Variants in GAREM1 observed in about 807,000 individuals in gnomAD.
GAREM1 encodes the protein GRB2-associated and regulator of MAPK protein 1.
Under a neutral mutation model 71.3 loss-of-function variants are expected in GAREM1, and 26 were observed. The observed-to-expected ratio is 0.36, with a 90% CI of 0.27 to 0.51. GAREM1 has a LOEUF of 0.51. GAREM1 is among the 20% of genes least tolerant of loss of function. GAREM1 has a pLI of 0.95. For synonymous variants in GAREM1, 440 were observed against 433.2 expected (o/e 1.02, Z -0.20); for missense variants, 1,026 against 1,103.1 (o/e 0.93, Z 0.99).
chr18:32,451,367 C>A (rs888736147), intron 1 of GAREM1, among the ~76,000 whole-genome samples: 1 of 151,790 alleles, frequency 6.6e-6, no homozygotes, highest in African/African-American at 2.4e-5. Flanking sequence ...AACAATAAAC[C>A]CTTGCTGTTT....
At chr18:32,333,817 T>C (rs747331268) in intron 2 of GAREM1, among the ~76,000 whole-genome samples, 5 of 152,176 alleles carry the variant, frequency 3.3e-5, no homozygotes, top group Non-Finnish European at 5.9e-5. Flanking sequence ...AAATAACCTC[T>C]AGGTGCTTAT....
chr18:32,405,812 T>A (rs911749142), intron 1 of GAREM1, among the ~76,000 whole-genome samples: 2 of 152,156 alleles, frequency 1.3e-5, no homozygotes, highest in Admixed American at 1.3e-4. Context: ...GCAGGCTGGG[T>A]TCCTCAATTC....
chr18:32,336,809 T>A (rs1165371818), intron 2 of GAREM1, among the ~76,000 whole-genome samples: 5 of 152,360 alleles, frequency 3.3e-5, no homozygotes, highest in African/African-American at 1.2e-4. Flanking sequence ...TTAGACCAGA[T>A]GGGCTCCACT....
chr18:32,312,536 C>G (rs1375808756), intron 2 of GAREM1, among the ~76,000 whole-genome samples: 1 of 151,750 alleles, frequency 6.6e-6, no homozygotes, highest in Non-Finnish European at 1.5e-5. Flanking sequence ...TTGAAGGCAG[C>G]CTGGGAAGAG....
Position 32,297,636 on chromosome 18 carries a change from CCCAGAATAAAACTTAATG to C in GAREM1, c.394-9451_394-9434del, listed in dbSNP as rs555950251. Among the ~76,000 whole-genome samples the C allele has an allele frequency of 3.2e-4, 48 of 152,172 alleles. No individual in the cohort carries two copies. The South Asian group carries it at 8.3e-3, about 26-fold the overall frequency. On this transcript the variant is annotated intron_variant, in intron 3 of 5. Transcript: ENST00000269209. ...TTCAAATTTTTATTGACTATGTTAT[CCCAGAATAAAACTTAATG>C]CCAGAATAGAGCCTGAAATATCATT...
intron 3 of GAREM1, among the ~76,000 whole-genome samples, chr18:32,291,471 T>C (rs2047085802): frequency 6.6e-6 from 1 of 152,086 alleles, no homozygotes; most frequent in South Asian, 2.1e-4. Flanking sequence ...ACTAATGTGC[T>C]ACATATTTTA....
chr18:32,405,079 CTT>C (rs2144676370), intron 1 of GAREM1, among the ~76,000 whole-genome samples: 1 of 152,272 alleles, frequency 6.6e-6, no homozygotes, highest in Non-Finnish European at 1.5e-5. Flanking sequence ...TATTCTTCCT[CTT>C]TTAATAAATA....
intron 1 of GAREM1, among the ~76,000 whole-genome samples, chr18:32,453,625 T>C (rs1231068398): frequency 3.3e-5 from 5 of 152,148 alleles, no homozygotes; most frequent in African/African-American, 4.8e-5. Context: ...CATAAGTACG[T>C]TGTCATTGGA....
chr18:32,355,299 G>A (rs570534286), intron 2 of GAREM1, among the ~76,000 whole-genome samples: 2 of 152,180 alleles, frequency 1.3e-5, no homozygotes, highest in South Asian at 4.1e-4. Context: ...AAAGCAAGAG[G>A]CCTATGGTGA....
At chr18:32,301,332 G>A (rs1437717400) in intron 3 of GAREM1, among the ~76,000 whole-genome samples, 3 of 152,184 alleles carry the variant, frequency 2.0e-5, no homozygotes, top group Admixed American at 2.0e-4. Context: ...ATTCTGACAT[G>A]TGATATTTAA....
chr18:32,322,093 C>G (rs1380174803), intron 2 of GAREM1, among the ~76,000 whole-genome samples: 1 of 152,168 alleles, frequency 6.6e-6, no homozygotes, highest in African/African-American at 2.4e-5. Flanking sequence ...GGAGAAGCAG[C>G]TGGCTCTAGT....
chr18:32,359,135 G>A (rs1227714829), intron 2 of GAREM1, among the ~76,000 whole-genome samples: 2 of 152,168 alleles, frequency 1.3e-5, no homozygotes, highest in African/African-American at 4.8e-5. Flanking sequence ...TTAGTTTTAA[G>A]TCAAACTAAA....
At chr18:32,403,925 A>AT (rs1280130413) in intron 1 of GAREM1, among the ~76,000 whole-genome samples, 3 of 152,330 alleles carry the variant, frequency 2.0e-5, no homozygotes, top group South Asian at 4.1e-4. Context: ...AATTACAAGC[A>AT]TTTTTTTCCA....
intron 2 of GAREM1, among the ~76,000 whole-genome samples, chr18:32,319,204 T>G (rs1348569453): frequency 1.3e-5 from 2 of 152,218 alleles, no homozygotes; most frequent in Non-Finnish European, 2.9e-5. Context: ...TAACTGGCCC[T>G]TCAAACCACT....
chr18:32,268,909 GT>G (rs202244530), intron 5 of GAREM1, 141 bp from the exon 6 acceptor site: 492 of 559,002 alleles, frequency 8.8e-4, no homozygotes, highest in Non-Finnish European at 1.0e-3. Flanking sequence ...ACTTCACTGG[GT>G]TTTTTTTTTA....
At chr18:32,393,910 C>G in intron 1 of GAREM1, among the ~76,000 whole-genome samples, 1 of 152,136 alleles carries the variant, frequency 6.6e-6, no homozygotes, top group Non-Finnish European at 1.5e-5. Flanking sequence ...ACTTTTTATA[C>G]AGAAAACAGC....
intron 1 of GAREM1, among the ~76,000 whole-genome samples, chr18:32,439,942 C>A (rs2048717696): frequency 6.6e-6 from 1 of 152,140 alleles, no homozygotes; most frequent in South Asian, 2.1e-4. Flanking sequence ...ATCCCCCAGT[C>A]CCAAGAGTTA....
intron 2 of GAREM1, among the ~76,000 whole-genome samples, chr18:32,343,218 A>G (rs1168684498): frequency 6.6e-6 from 1 of 152,204 alleles, no homozygotes; most frequent in East Asian, 1.9e-4. Context: ...GTTGGCAAAA[A>G]ATGATACAAA....
intron 2 of GAREM1, among the ~76,000 whole-genome samples, chr18:32,383,932 A>G (rs1265601765): frequency 1.3e-5 from 2 of 152,230 alleles, no homozygotes; most frequent in Non-Finnish European, 2.9e-5. Flanking sequence ...TAAAATTTTT[A>G]GAGCTTTACT....
Sources: gnomAD v4.1 joint callset for allele counts (sites outside exome capture counted in the v4.1 genomes callset) on GRCh38, gnomAD v4.1.1 for gene constraint, MANE v1.5 for transcripts, NCBI Gene and HGNC (gene_info 2026-07-23, HGNC 2026-07-21) for gene names.